GAREM1: variants seen among roughly 807,000 people sequenced by gnomAD.
The protein encoded by GAREM1 is GRB2-associated and regulator of MAPK protein 1.
A neutral mutation model predicts 71.3 loss-of-function variants in GAREM1; 26 were observed. The ratio of observed to expected loss-of-function variants is 0.36; its 90% CI spans 0.27 to 0.51. The LOEUF (loss-of-function observed/expected upper bound fraction) is 0.51. GAREM1 is among the 20% of genes least tolerant of loss of function. The pLI is 0.95. For missense variants in GAREM1, 1,026 were observed against 1,103.1 expected (o/e 0.93, Z 0.99); for synonymous variants, 440 against 433.2 (o/e 1.02, Z -0.20).
At chr18:32,458,518 G>A (rs1024232983) in intron 1 of GAREM1, among the ~76,000 whole-genome samples, 24 of 151,876 alleles carry the variant, frequency 1.6e-4, no homozygotes, top group African/African-American at 5.6e-4. Flanking sequence ...TAATACTTAT[G>A]AACATTGACT....
chr18:32,430,789 C>T (rs1247562723), intron 1 of GAREM1, among the ~76,000 whole-genome samples: 2 of 152,192 alleles, frequency 1.3e-5, no homozygotes, highest in Non-Finnish European at 2.9e-5. Flanking sequence ...ACTGTGGTTC[C>T]AAGAGTATGG....
At chr18:32,369,991 T>C (rs1157465851) in intron 2 of GAREM1, among the ~76,000 whole-genome samples, 1 of 152,212 alleles carries the variant, frequency 6.6e-6, no homozygotes, top group African/African-American at 2.4e-5. Flanking sequence ...GCTACACGCA[T>C]CACCAGAAAG....
At chr18:32,312,743 A>C (rs1168664226) in intron 2 of GAREM1, among the ~76,000 whole-genome samples, 3 of 152,178 alleles carry the variant, frequency 2.0e-5, no homozygotes, top group Non-Finnish European at 4.4e-5. Flanking sequence ...GAGGGGAACA[A>C]GGTGATGACA....
chr18:32,390,698 T>C (rs1263174478), intron 2 of GAREM1, among the ~76,000 whole-genome samples: 2 of 152,196 alleles, frequency 1.3e-5, no homozygotes, highest in Admixed American at 1.3e-4. Context: ...TAAAAAGAAG[T>C]TCCAAACACC....
intron 1 of GAREM1, among the ~76,000 whole-genome samples, chr18:32,423,610 A>G (rs1239665809): frequency 6.6e-6 from 1 of 152,200 alleles, no homozygotes; most frequent in African/African-American, 2.4e-5. Context: ...CATCACAAGT[A>G]TATTACCACC....
intron 2 of GAREM1, among the ~76,000 whole-genome samples, chr18:32,364,038 T>TTTTTTTTTG (rs2047904765): frequency 3.9e-5 from 2 of 51,302 alleles, no homozygotes; most frequent in South Asian, 8.6e-4. Context: ...GTTTTTTTTT[T>TTTTTTTTTG]TTTTTTTTTT....
intron 1 of GAREM1, among the ~76,000 whole-genome samples, chr18:32,400,024 C>G (rs1189057578): frequency 6.6e-6 from 1 of 152,192 alleles, no homozygotes; most frequent in East Asian, 1.9e-4. Flanking sequence ...TACCACACAT[C>G]TATAACCATC....
chr18:32,312,184 G>C (rs2047330959), intron 2 of GAREM1, among the ~76,000 whole-genome samples: 1 of 152,204 alleles, frequency 6.6e-6, no homozygotes, highest in South Asian at 2.1e-4. Context: ...AGTCTGGCTG[G>C]AAAGAATAAA....
chr18:32,319,642 A>T (rs944787042), intron 2 of GAREM1, among the ~76,000 whole-genome samples: 2 of 152,184 alleles, frequency 1.3e-5, no homozygotes, highest in Non-Finnish European at 2.9e-5. Flanking sequence ...AAATAGTACT[A>T]CTAGAGGGTG....
intron 2 of GAREM1, among the ~76,000 whole-genome samples, chr18:32,349,326 C>T (rs576665156): frequency 2.3e-4 from 35 of 152,294 alleles, no homozygotes; most frequent in Admixed American, 1.7e-3. Flanking sequence ...CAACTACTCC[C>T]TTCAATCATA....
At chr18:32,308,043 T>C (rs1253750069) in intron 3 of GAREM1, among the ~76,000 whole-genome samples, 2 of 152,204 alleles carry the variant, frequency 1.3e-5, no homozygotes, top group Non-Finnish European at 2.9e-5. Flanking sequence ...GTTTTAATGA[T>C]TCATGCAAGC....
intron 2 of GAREM1, among the ~76,000 whole-genome samples, chr18:32,326,005 T>A (rs2047471757): frequency 6.6e-6 from 1 of 152,236 alleles, no homozygotes; most frequent in East Asian, 1.9e-4. Flanking sequence ...ATGCTATTAT[T>A]CTGATTTACT....
rs1280042296 is a variant in GAREM1, at chr18:32,265,230, A to G, written c.*2641T>C. 2 of 152,252 alleles carry G rather than the reference A, an allele frequency of 1.3e-5. No homozygotes were observed. Among genetic ancestry groups the G allele is most frequent in the Non-Finnish European group, 1.5e-5 (1 of 68,108 alleles). 9.4% of individuals were successfully genotyped at this position (152,252 alleles called of 1,614,324 possible). A position where few individuals can be genotyped will look rare whatever the true frequency, so the allele number is the denominator to read the frequency against. On this transcript the variant is annotated 3_prime_UTR_variant, in exon 6 of 6. Transcript: ENST00000269209. ...CATTTATTTGTGACAGAAGATATTTATTACAATTAAAAGAATTCCAGGTCA... is the reference window on the plus strand; with the variant it reads ...CATTTATTTGTGACAGAAGATATTTGTTACAATTAAAAGAATTCCAGGTCA...
chr18:32,405,721 T>A (rs185385440), intron 1 of GAREM1, among the ~76,000 whole-genome samples: 3 of 152,340 alleles, frequency 2.0e-5, no homozygotes, highest in African/African-American at 7.2e-5. Flanking sequence ...CAAGCTATCC[T>A]CTGTGCTCTT....
At chr18:32,442,684 G>A (rs2048750098) in intron 1 of GAREM1, among the ~76,000 whole-genome samples, 1 of 152,142 alleles carries the variant, frequency 6.6e-6, no homozygotes, top group Non-Finnish European at 1.5e-5. Flanking sequence ...CAGTTCCCAA[G>A]TCACCTGCAT....
intron 1 of GAREM1, among the ~76,000 whole-genome samples, chr18:32,416,805 T>C (rs1051482888): frequency 2.0e-5 from 3 of 152,048 alleles, no homozygotes; most frequent in Non-Finnish European, 2.9e-5. Flanking sequence ...TCCAGGACAC[T>C]GGACTGTAGA....
At position 32,295,730 on chromosome 18, in the gene GAREM1, C is replaced by T. The variant is rs556824627; in HGVS notation, c.394-7527G>A. Among the ~76,000 whole-genome samples the T allele has an allele frequency of 3.3e-5, 5 of 152,236 alleles. No individual in the cohort carries two copies. The South Asian group carries it at 6.2e-4, about 19-fold the overall frequency. ...TTTCCAATAGTGAAGTGAATTTCTC[C>T]GTAGGAGACATTGTAAGTACAGAAA... On this transcript the variant is annotated intron_variant, in intron 3 of 5. Transcript: ENST00000269209.
intron 1 of GAREM1, among the ~76,000 whole-genome samples, chr18:32,446,157 A>C (rs1391897841): frequency 1.3e-5 from 2 of 152,038 alleles, no homozygotes; most frequent in Non-Finnish European, 2.9e-5. Context: ...GGGACTGTTG[A>C]TTACTAGTAC....
chr18:32,338,838 T>A (rs1386300119), intron 2 of GAREM1, among the ~76,000 whole-genome samples: 1 of 152,240 alleles, frequency 6.6e-6, no homozygotes, highest in Non-Finnish European at 1.5e-5. Flanking sequence ...CTATTCTAGA[T>A]GTCTCTGTGA....
Sources: gnomAD v4.1 joint callset for allele counts (sites outside exome capture counted in the v4.1 genomes callset) on GRCh38, gnomAD v4.1.1 for gene constraint, MANE v1.5 for transcripts, NCBI Gene and HGNC (gene_info 2026-07-23, HGNC 2026-07-21) for gene names.